Variants in ABTB3 observed in about 807,000 individuals in gnomAD.
The protein encoded by ABTB3 is ankyrin repeat- and BTB/POZ domain-containing protein 3.
chr12:107,512,452 G>T, the ABTB3 span, among the ~76,000 whole-genome samples: 1 of 152,192 alleles, frequency 6.6e-6, no homozygotes. Flanking sequence ...TTCCATTTGA[G>T]GTTAATGGTA....
chr12:107,432,207 G>A, the ABTB3 span, among the ~76,000 whole-genome samples: 2 of 152,306 alleles, frequency 1.3e-5, no homozygotes, highest in Middle Eastern at 3.4e-3. Flanking sequence ...TTCCTTCCTG[G>A]TGTAGCCAGG....
chr12:107,417,214 A>G, the ABTB3 span, among the ~76,000 whole-genome samples: 2 of 152,146 alleles, frequency 1.3e-5, no homozygotes, highest in Admixed American at 6.5e-5. Flanking sequence ...TTGGAGTCAA[A>G]CAGAACCACG....
the ABTB3 span, chr12:107,544,209 G>C: frequency 6.7e-7 from 1 of 1,502,630 alleles, no homozygotes; most frequent in Non-Finnish European, 9.1e-7. Flanking sequence ...TGTCCAGGAT[G>C]GGGAGGATGA....
chr12:107,615,111 T>C, the ABTB3 span: 20 of 1,613,984 alleles, frequency 1.2e-5, no homozygotes, highest in Admixed American at 8.3e-5. Flanking sequence ...AGACCCGCCA[T>C]TGGACGGCTC....
At chr12:107,415,441 G>T in the ABTB3 span, among the ~76,000 whole-genome samples, 1 of 152,114 alleles carries the variant, frequency 6.6e-6, no homozygotes, top group South Asian at 2.1e-4. Context: ...GGGCGTGGTG[G>T]CTCACACCTG....
the ABTB3 span, among the ~76,000 whole-genome samples, chr12:107,367,539 C>T: frequency 6.6e-6 from 1 of 152,000 alleles, no homozygotes; most frequent in Non-Finnish European, 1.5e-5. Flanking sequence ...GAGTCTCACT[C>T]TGTAGCCCAA....
At chr12:107,620,813 G>A in the ABTB3 span, among the ~76,000 whole-genome samples, 1 of 152,240 alleles carries the variant, frequency 6.6e-6, no homozygotes, top group East Asian at 1.9e-4. Flanking sequence ...CCAGCCTTTC[G>A]ACTATTACAA....
the ABTB3 span, among the ~76,000 whole-genome samples, chr12:107,382,471 G>A: frequency 6.6e-6 from 1 of 152,148 alleles, no homozygotes; most frequent in African/African-American, 2.4e-5. Context: ...TCTATTATTG[G>A]TGTATAGGAA....
At chr12:107,631,396 GTGCTGCAA>G in the ABTB3 span, among the ~76,000 whole-genome samples, 1 of 152,196 alleles carries the variant, frequency 6.6e-6, no homozygotes, top group Non-Finnish European at 1.5e-5. Context: ...GTTGTGAATA[GTGCTGCAA>G]TGAACATGTG....
chr12:107,359,214 G>A, the ABTB3 span, among the ~76,000 whole-genome samples: 1 of 152,272 alleles, frequency 6.6e-6, no homozygotes, highest in African/African-American at 2.4e-5. Flanking sequence ...AGGCATGGAA[G>A]TGGGGCTGAT....
At chr12:107,416,934 C>A in the ABTB3 span, among the ~76,000 whole-genome samples, 1 of 152,294 alleles carries the variant, frequency 6.6e-6, no homozygotes, top group East Asian at 1.9e-4. Context: ...TGCCCAGCCA[C>A]CCCATGTCCT....
chr12:107,475,420 A>G, the ABTB3 span, among the ~76,000 whole-genome samples: 1,458 of 152,338 alleles, frequency 9.6e-3, 39 homozygotes, highest in African/African-American at 0.033. Flanking sequence ...AGCCAGAAAC[A>G]GTATCCAAGG....
the ABTB3 span, among the ~76,000 whole-genome samples, chr12:107,638,635 G>A: frequency 1.4e-4 from 22 of 152,278 alleles, no homozygotes; most frequent in Middle Eastern, 3.4e-3. Flanking sequence ...TCATTCACTC[G>A]AAAAACATCC....
At chr12:107,571,023 C>T in the ABTB3 span, among the ~76,000 whole-genome samples, 1 of 152,212 alleles carries the variant, frequency 6.6e-6, no homozygotes, top group Non-Finnish European at 1.5e-5. Flanking sequence ...AGTTAGATAA[C>T]CTCTCTGTAC....
the ABTB3 span, among the ~76,000 whole-genome samples, chr12:107,364,829 G>C: frequency 6.6e-6 from 1 of 152,174 alleles, no homozygotes; most frequent in Non-Finnish European, 1.5e-5. Context: ...TGTTGCTGAA[G>C]GCTGGCGCTG....
chr12:107,503,466 C>T, the ABTB3 span, among the ~76,000 whole-genome samples: 1 of 151,976 alleles, frequency 6.6e-6, no homozygotes, highest in Non-Finnish European at 1.5e-5. Context: ...AGAATACAGA[C>T]AATAAAAGGC....
At chr12:107,346,835 C>A in the ABTB3 span, among the ~76,000 whole-genome samples, 8 of 152,212 alleles carry the variant, frequency 5.3e-5, no homozygotes, top group Admixed American at 6.5e-5. Flanking sequence ...CAGACTCTGT[C>A]TCTGACTGCT....
the ABTB3 span, among the ~76,000 whole-genome samples, chr12:107,424,687 C>T: frequency 1.3e-5 from 2 of 152,140 alleles, no homozygotes; most frequent in Non-Finnish European, 2.9e-5. Flanking sequence ...CTTTTCAGCC[C>T]AGACTCCTCT....
the ABTB3 span, among the ~76,000 whole-genome samples, chr12:107,405,554 G>A: frequency 2.0e-5 from 3 of 152,254 alleles, no homozygotes; most frequent in East Asian, 3.8e-4. Context: ...ACGGCTGTCC[G>A]GGGTTGTCCT....
Sources: gnomAD v4.1 joint callset for allele counts (sites outside exome capture counted in the v4.1 genomes callset) on GRCh38, gnomAD v4.1.1 for gene constraint, MANE v1.5 for transcripts, NCBI Gene and HGNC (gene_info 2026-07-23, HGNC 2026-07-21) for gene names.